The following IMMP2L variants were observed in gnomAD, a reference collection of about 807,000 sequenced individuals.
IMMP2L encodes the protein mitochondrial inner membrane protease subunit 2.
A neutral mutation model predicts 19.3 loss-of-function variants in IMMP2L; 18 were observed. That is an observed-to-expected ratio of 0.93 (90% CI 0.64 to 1.38). The LOEUF (loss-of-function observed/expected upper bound fraction) is 1.38. Among genes scored for constraint, IMMP2L ranks in the 40% most tolerant of loss-of-function variants. The pLI is 0.00. For synonymous variants in IMMP2L, 76 were observed against 73.0 expected, an observed-to-expected ratio of 1.04 and a Z score of -0.21; for missense variants, 233 against 218.2, an observed-to-expected ratio of 1.07 and a Z score of -0.43.
chr7:111,309,538 T>C (rs1447405634), intron 3 of IMMP2L, among the ~76,000 whole-genome samples: 2 of 152,162 alleles, frequency 1.3e-5, no homozygotes, highest in South Asian at 2.1e-4. Context: ...TCACATAGAT[T>C]CACTCAGTCT....
At chr7:111,215,791 T>TA (rs368876664) in intron 3 of IMMP2L, among the ~76,000 whole-genome samples, 63 of 152,278 alleles carry the variant, frequency 4.1e-4, no homozygotes, top group African/African-American at 1.4e-3. Context: ...GGCTGGCTCT[T>TA]ACACAAAACT....
At chr7:111,300,987 G>A (rs934493854) in intron 3 of IMMP2L, among the ~76,000 whole-genome samples, 1 of 152,046 alleles carries the variant, frequency 6.6e-6, no homozygotes, top group African/African-American at 2.4e-5. Flanking sequence ...TATGGTAATT[G>A]CATGTTTAGG....
intron 5 of IMMP2L, among the ~76,000 whole-genome samples, chr7:110,818,673 T>C (rs914589779): frequency 6.6e-6 from 1 of 152,178 alleles, no homozygotes; most frequent in Non-Finnish European, 1.5e-5. Context: ...CATATGTTTA[T>C]TGTGGCACTC....
chr7:111,266,719 GC>G (rs1175257008), intron 3 of IMMP2L, among the ~76,000 whole-genome samples: 6 of 152,088 alleles, frequency 3.9e-5, no homozygotes, highest in African/African-American at 1.2e-4. Flanking sequence ...CAGTTAAATA[GC>G]TAAGACTACG....
intron 4 of IMMP2L, among the ~76,000 whole-genome samples, chr7:110,960,064 GTGT>G (rs1818774256): frequency 6.6e-6 from 1 of 151,962 alleles, no homozygotes; most frequent in Admixed American, 6.6e-5. Flanking sequence ...GTTAAAAGCT[GTGT>G]TATCTTTGGA....
chr7:111,178,251 G>T (rs899944309), intron 3 of IMMP2L, among the ~76,000 whole-genome samples: 2 of 152,020 alleles, frequency 1.3e-5, no homozygotes, highest in Admixed American at 6.6e-5. Flanking sequence ...TATTAAATGT[G>T]TAATAGCATT....
chr7:111,414,854 A>G (rs779769467), intron 3 of IMMP2L, among the ~76,000 whole-genome samples: 2 of 151,754 alleles, frequency 1.3e-5, no homozygotes, highest in Non-Finnish European at 2.9e-5. Context: ...AAATTTTCCC[A>G]TAGCTTCCTG....
intron 3 of IMMP2L, among the ~76,000 whole-genome samples, chr7:111,269,932 G>T (rs1375659202): frequency 1.3e-5 from 2 of 151,932 alleles, no homozygotes; most frequent in African/African-American, 4.8e-5. Flanking sequence ...TTCAATATTG[G>T]CTAACTCTTC....
chr7:111,070,234 A>T (rs1794838969), intron 3 of IMMP2L, among the ~76,000 whole-genome samples: 1 of 152,236 alleles, frequency 6.6e-6, no homozygotes, highest in South Asian at 2.1e-4. Context: ...AGCACCACAA[A>T]ACTACAAAGG....
intron 3 of IMMP2L, among the ~76,000 whole-genome samples, chr7:111,443,043 T>C (rs1169629138): frequency 6.6e-6 from 1 of 151,894 alleles, no homozygotes; most frequent in Non-Finnish European, 1.5e-5. Context: ...TTCATTTGAG[T>C]TTTTCTTTCC....
intron 3 of IMMP2L, among the ~76,000 whole-genome samples, chr7:111,270,809 T>C (rs1033882106): frequency 4.6e-5 from 7 of 152,226 alleles, no homozygotes; most frequent in African/African-American, 1.7e-4. Context: ...TTTTTCTTTA[T>C]TCCTCTAGGA....
intron 5 of IMMP2L, among the ~76,000 whole-genome samples, chr7:110,770,330 A>G (rs1798952888): frequency 6.6e-6 from 1 of 152,156 alleles, no homozygotes; most frequent in South Asian, 2.1e-4. Context: ...GTGCCCCCCA[A>G]TATAATGGCA....
At chr7:111,523,148 A>G (rs980026716) in intron 1 of IMMP2L, among the ~76,000 whole-genome samples, 1 of 151,824 alleles carries the variant, frequency 6.6e-6, no homozygotes, top group Non-Finnish European at 1.5e-5. Context: ...GGTTGGGGAG[A>G]TGTTGCTCAA....
intron 4 of IMMP2L, among the ~76,000 whole-genome samples, chr7:110,887,431 C>T (rs1056960788): frequency 2.6e-5 from 4 of 151,978 alleles, no homozygotes; most frequent in African/African-American, 7.2e-5. Context: ...TTTCCCTATA[C>T]TTCCATTTTA....
At chr7:110,668,888 A>G (rs1791646447) in intron 5 of IMMP2L, among the ~76,000 whole-genome samples, 2 of 152,042 alleles carry the variant, frequency 1.3e-5, no homozygotes, top group South Asian at 2.1e-4. Flanking sequence ...TAGGCAGGCA[A>G]AGAGTATAGT....
rs112523934 is a variant in IMMP2L, at chr7:111,042,468, A to G, written c.240-78903T>C. On this transcript the variant is annotated intron_variant, in intron 3 of 5. Transcript: ENST00000405709. ...AGTGTTGGGATTACAGGCGTGAGCC[A>G]CCAATCCCAGCTACCATTTAAAGAT... Among the ~76,000 whole-genome samples the G allele has an allele frequency of 1.5e-3, 226 of 152,368 alleles. 2 individuals are homozygous for G. In the Middle Eastern group the frequency reaches 0.017, roughly 11 times the overall value.
intron 5 of IMMP2L, among the ~76,000 whole-genome samples, chr7:110,699,118 T>C (rs1562924598): frequency 6.6e-6 from 1 of 151,968 alleles, no homozygotes; most frequent in South Asian, 2.1e-4. Context: ...TGAGGAAAAG[T>C]GTTATTCTTC....
At chr7:110,847,650 T>G (rs1805802192) in intron 5 of IMMP2L, among the ~76,000 whole-genome samples, 1 of 152,140 alleles carries the variant, frequency 6.6e-6, no homozygotes, top group Admixed American at 6.6e-5. Context: ...AGGACTGACA[T>G]TAGCTGATTT....
At chr7:111,107,194 C>T (rs994751536) in intron 3 of IMMP2L, among the ~76,000 whole-genome samples, 1 of 151,698 alleles carries the variant, frequency 6.6e-6, no homozygotes, top group Admixed American at 6.6e-5. Context: ...TCCTTCCCTC[C>T]CTTCTTCCTT....
Sources: gnomAD v4.1 joint callset for allele counts (sites outside exome capture counted in the v4.1 genomes callset) on GRCh38, gnomAD v4.1.1 for gene constraint, MANE v1.5 for transcripts, NCBI Gene and HGNC (gene_info 2026-07-23, HGNC 2026-07-21) for gene names.